Variants in PCLO observed in about 807,000 individuals in gnomAD.
The protein encoded by PCLO is piccolo presynaptic cytomatrix protein, also known as protein piccolo.
Under a neutral mutation model 427.5 loss-of-function variants are expected in PCLO, and 82 were observed. The ratio of observed to expected loss-of-function variants is 0.19; its 90% confidence interval spans 0.16 to 0.23. The LOEUF is 0.23. Ranked by LOEUF, PCLO falls within the 10% of genes least tolerant of loss-of-function variation. The pLI is 1.00. For synonymous variants in PCLO, 2,357 were observed against 2,155.4 expected (o/e 1.09, Z -2.59); for missense variants, 6,239 against 6,115.9 (o/e 1.02, Z -0.67).
chr7:83,156,035 T>C lies in PCLO; in HGVS notation c.606A>G (p.Lys202=). ...KQKVVQKEQG[K]PEGIIKPPLQ... The stretch of plus-strand genomic sequence containing the variant: ...AAGGAGGTTTTATGATTCCTTCAGG[T>C]TTTCCTTGCTCCTTCTGAACCACTT... The change falls in exon 2 of 25, where the codon AAA becomes AAG. Residue 202 remains lysine, a synonymous_variant. Transcript: ENST00000333891. 1.9e-6 allele frequency: 3 copies of C among 1,613,478 alleles called. No individual in the cohort carries two copies. The highest frequency in any genetic ancestry group is 2.5e-6 in the Non-Finnish European group (3 of 1,179,750).
At chr7:83,125,054 T>C (rs1324813343) in intron 3 of PCLO, among the ~76,000 whole-genome samples, 4 of 152,138 alleles carry the variant, frequency 2.6e-5, no homozygotes, top group Admixed American at 1.3e-4. Context: ...GCTTACTCAG[T>C]GCTCAATGTT....
chr7:83,020,939 T>G (rs1788327498), intron 3 of PCLO, among the ~76,000 whole-genome samples: 1 of 152,174 alleles, frequency 6.6e-6, no homozygotes, highest in Non-Finnish European at 1.5e-5. Flanking sequence ...CATGATAGTT[T>G]CCTTTAACTG....
chr7:83,162,424 C>A lies in PCLO; in HGVS notation c.169G>T (p.Ala57Ser). The part of the protein sequence containing the change: ...QLSEEERRQI[A>S]AVMSRAQGLP... ...CCCTGCGCCCTTGACATGACAGCGG[C>A]GATCTGTCTCCTCTCCTCTTCGCTC... The change falls in exon 1 of 25, where the codon GCC becomes TCC. Residue 57 changes from alanine to serine, a missense_variant. By Grantham distance (99) the Ala-to-Ser change is moderately conservative. Transcript: ENST00000333891. The A allele has an allele frequency of 6.3e-7, 1 of 1,596,986 alleles. No individual in the cohort carries two copies.
intron 6 of PCLO, among the ~76,000 whole-genome samples, chr7:82,917,929 TTTA>T (rs1246308565): frequency 6.6e-6 from 1 of 152,020 alleles, no homozygotes; most frequent in Non-Finnish European, 1.5e-5. Flanking sequence ...TCATTGCCTT[TTTA>T]TTATTTCCAA....
intron 9 of PCLO, among the ~76,000 whole-genome samples, chr7:82,883,989 T>A (rs1793571460): frequency 2.0e-5 from 3 of 152,132 alleles, no homozygotes; most frequent in Admixed American, 2.0e-4. Context: ...CAGGCTGGTC[T>A]CAAATTCCTG....
intron 6 of PCLO, among the ~76,000 whole-genome samples, chr7:82,923,508 G>A (rs1794644622): frequency 6.6e-6 from 1 of 152,048 alleles, no homozygotes; most frequent in African/African-American, 2.4e-5. Flanking sequence ...AATACCATGT[G>A]AAATCCCAGG....
rs191166939 is a variant in PCLO, at chr7:82,827,725, T to C, written c.14343+148A>G. On this transcript the variant is annotated intron_variant, in intron 17 of 24. Transcript: ENST00000333891. ...CTGTGCTTAAATGTCACTCATTTTT[T>C]TCCATTGGCTACATTTCTTACATGT... is the stretch of plus-strand genomic sequence containing the variant. The C allele has an allele frequency of 1.0e-5, 5 of 498,288 alleles. No homozygotes were observed. The Admixed American group carries it at 2.0e-4, about 19-fold the overall frequency. The allele number at this position is 498,288 out of a possible 1,614,324, so 30.9% of individuals were successfully genotyped here. A position where few individuals can be genotyped will look rare whatever the true frequency, so the allele number is the denominator to read the frequency against.
Position 82,956,191 on chromosome 7 carries a change from T to C in PCLO, c.4762A>G (p.Ser1588Gly). 6.2e-7 allele frequency: 1 copy of C among 1,609,738 alleles called. No homozygotes were observed. The highest frequency in any genetic ancestry group is 1.1e-5 in the South Asian group (1 of 91,080). Residue 1588 changes from serine to glycine, a missense_variant, in exon 5 of 25, where the codon AGT becomes GGT. This residue lies in a region of PCLO where 4,677 missense variants were observed against 4,468.4 expected (regional missense o/e 1.05). Transcript: ENST00000333891. ...IRNQLKEISS[S>G]TESQKKEETK... is the part of the protein sequence containing the mutation. The stretch of plus-strand genomic sequence containing the variant: ...TCTTCCTTCTTCTGGCTCTCAGTAC[T>C]GCTACTAATCTCTTTGAGCTGGTTT...
At chr7:83,077,224 T>C (rs1789978094) in intron 3 of PCLO, among the ~76,000 whole-genome samples, 1 of 152,158 alleles carries the variant, frequency 6.6e-6, no homozygotes, top group Non-Finnish European at 1.5e-5. Context: ...TTAATAATTG[T>C]TTCCGCTTCT....
chr7:82,898,383 T>C (rs961566495), intron 9 of PCLO, among the ~76,000 whole-genome samples: 2 of 151,542 alleles, frequency 1.3e-5, no homozygotes, highest in African/African-American at 2.4e-5. Context: ...ACATTACTTC[T>C]GTCTTCTATT....
At chr7:83,003,717 T>C (rs999872510) in intron 3 of PCLO, among the ~76,000 whole-genome samples, 4 of 151,890 alleles carry the variant, frequency 2.6e-5, no homozygotes, top group Non-Finnish European at 5.9e-5. Context: ...TGCTTGATCC[T>C]TTTAATATGC....
At chr7:83,103,417 C>T (rs1236207198) in intron 3 of PCLO, among the ~76,000 whole-genome samples, 9 of 151,828 alleles carry the variant, frequency 5.9e-5, no homozygotes, top group Non-Finnish European at 1.0e-4. Flanking sequence ...ACCAATAAGA[C>T]CTTCAGGGAT....
chr7:82,930,690 T>A (rs916975701), intron 6 of PCLO, among the ~76,000 whole-genome samples: 1 of 152,152 alleles, frequency 6.6e-6, no homozygotes, highest in African/African-American at 2.4e-5. Context: ...CCTTATGTAA[T>A]TTGTTTTTCA....
At chr7:82,939,986 G>A (rs935429058) in intron 6 of PCLO, among the ~76,000 whole-genome samples, 4 of 152,036 alleles carry the variant, frequency 2.6e-5, no homozygotes, top group African/African-American at 4.8e-5. Context: ...CAGTCCTCTA[G>A]AAGTTAAAGC....
chr7:82,872,699 C>G (rs568679770), intron 10 of PCLO, among the ~76,000 whole-genome samples: 1 of 152,116 alleles, frequency 6.6e-6, no homozygotes, highest in African/African-American at 2.4e-5. Flanking sequence ...TTGTCTAAAG[C>G]GGTAAAAATA....
chr7:82,876,485 C>CAG (rs757191515), intron 10 of PCLO, among the ~76,000 whole-genome samples: 1 of 132,948 alleles, frequency 7.5e-6, no homozygotes, highest in African/African-American at 2.5e-5. Context: ...CACACACACA[C>CAG]ACATACACCA....
intron 10 of PCLO, among the ~76,000 whole-genome samples, chr7:82,877,191 G>A (rs561108139): frequency 1.8e-4 from 27 of 152,124 alleles, no homozygotes; most frequent in African/African-American, 6.3e-4. Context: ...ACTACAAAGT[G>A]CAGAGAGCAT....
In PCLO at chr7:83,155,650, G is replaced by A. The variant is rs763256903; in HGVS notation, c.991C>T (p.Pro331Ser). ...HEKSQPGPAK[P>S]PAQPSGLTKP... ...GTTAGCCCTGAGGGCTGAGCTGGGG[G>A]CTTTGCAGGCCCAGGCTGTGATTTT... The change falls in exon 2 of 25, where the codon CCC (proline) becomes TCC (serine). Residue 331 changes from proline to serine, a missense_variant. Around this residue, in one of 5 missense-constraint regions of PCLO, gnomAD observed 4,677 missense variants for 4,468.4 expected, o/e 1.05. Coordinates refer to ENST00000333891, the MANE Select transcript of PCLO (RefSeq NM_033026.6). The A allele has an allele frequency of 5.8e-5, 93 of 1,613,552 alleles. No individual in the cohort carries two copies. The highest frequency in any genetic ancestry group is 7.7e-5 in the Non-Finnish European group (91 of 1,179,832).
intron 3 of PCLO, among the ~76,000 whole-genome samples, chr7:83,107,456 T>C (rs1790886023): frequency 1.3e-5 from 2 of 148,790 alleles, no homozygotes; most frequent in South Asian, 2.1e-4. Context: ...AAATATGACT[T>C]AAGTTATAAA....
Sources: gnomAD v4.1 joint callset for allele counts (sites outside exome capture counted in the v4.1 genomes callset) on GRCh38, gnomAD v4.1.1 for gene constraint, gnomAD v4.1.1 regional missense constraint, MANE v1.5 for transcripts, NCBI Gene and HGNC (gene_info 2026-07-23, HGNC 2026-07-21) for gene names.